The following SLC9A9 variants were observed in gnomAD, a reference collection of about 807,000 sequenced individuals.
SLC9A9 encodes the protein sodium/hydrogen exchanger 9.
A neutral mutation model predicts 77.8 loss-of-function variants in SLC9A9; 62 were observed. The ratio of observed to expected loss-of-function variants is 0.80; its 90% CI spans 0.65 to 0.98. The LOEUF is 0.98. Among genes scored for constraint, SLC9A9 ranks in the 50% least tolerant of loss-of-function variants. The pLI is 0.00. For missense variants in SLC9A9, 775 were observed against 774.9 expected (o/e 1.00, Z 0.00); for synonymous variants, 320 against 283.5 (o/e 1.13, Z -1.29).
intron 5 of SLC9A9, among the ~76,000 whole-genome samples, chr3:143,674,408 A>G (rs1186692769): frequency 6.6e-6 from 1 of 152,164 alleles, no homozygotes; most frequent in Non-Finnish European, 1.5e-5. Flanking sequence ...GGATTAGTTT[A>G]TGAGACATCC....
At chr3:143,713,018 G>A (rs527515818) in intron 4 of SLC9A9, among the ~76,000 whole-genome samples, 4 of 152,092 alleles carry the variant, frequency 2.6e-5, no homozygotes, top group Non-Finnish European at 5.9e-5. Flanking sequence ...GAAAGTAGAG[G>A]AAGAACCCAA....
At chr3:143,725,813 C>G (rs573789126) in intron 4 of SLC9A9, among the ~76,000 whole-genome samples, 49 of 150,402 alleles carry the variant, frequency 3.3e-4, no homozygotes, top group African/African-American at 1.1e-3. Context: ...GTGCAGCACA[C>G]CAGCATGGCA....
chr3:143,281,869 T>C (rs1193068046), intron 14 of SLC9A9, among the ~76,000 whole-genome samples: 1 of 152,196 alleles, frequency 6.6e-6, no homozygotes. Flanking sequence ...AACTGCACTG[T>C]CCTCCACTGA....
chr3:143,603,565 C>A (rs2037878985), intron 6 of SLC9A9, among the ~76,000 whole-genome samples: 1 of 152,228 alleles, frequency 6.6e-6, no homozygotes, highest in Non-Finnish European at 1.5e-5. Flanking sequence ...TCTCACTCAA[C>A]AGCCATATGA....
intron 6 of SLC9A9, among the ~76,000 whole-genome samples, chr3:143,619,074 C>T (rs1483648507): frequency 6.6e-6 from 1 of 152,168 alleles, no homozygotes; most frequent in African/African-American, 2.4e-5. Context: ...CTCTATCTAA[C>T]TCATTCAGAA....
At chr3:143,748,893 C>T (rs1470563934) in intron 4 of SLC9A9, among the ~76,000 whole-genome samples, 5 of 151,352 alleles carry the variant, frequency 3.3e-5, no homozygotes, top group East Asian at 1.9e-4. Context: ...TTAGTAGAGA[C>T]GGGGTTTCAC....
At chr3:143,679,902 A>C (rs551565470) in intron 5 of SLC9A9, among the ~76,000 whole-genome samples, 16 of 152,340 alleles carry the variant, frequency 1.1e-4, no homozygotes, top group African/African-American at 3.6e-4. Flanking sequence ...TCAGGTATGA[A>C]AAACATAGCA....
intron 13 of SLC9A9, 116 bp from the exon 14 acceptor site, chr3:143,363,679 T>C (rs956051148): frequency 1.1e-6 from 1 of 925,034 alleles, no homozygotes; most frequent in Non-Finnish European, 1.6e-6. Flanking sequence ...TTTCTAAGTA[T>C]AGGCATTTTC....
chr3:143,318,610 A>T (rs1244289176), intron 14 of SLC9A9, among the ~76,000 whole-genome samples: 1 of 152,136 alleles, frequency 6.6e-6, no homozygotes, highest in African/African-American at 2.4e-5. Context: ...ATCTGTCACA[A>T]ATGGCTGCTA....
chr3:143,491,172 A>G (rs2035738356), intron 11 of SLC9A9, among the ~76,000 whole-genome samples: 1 of 152,190 alleles, frequency 6.6e-6, no homozygotes, highest in Non-Finnish European at 1.5e-5. Context: ...TTCTCTGGAC[A>G]TCAGAGTCAT....
At chr3:143,521,217 C>A (rs1315266119) in intron 9 of SLC9A9, among the ~76,000 whole-genome samples, 1 of 152,010 alleles carries the variant, frequency 6.6e-6, no homozygotes, top group Non-Finnish European at 1.5e-5. Context: ...ATATTTAAAT[C>A]TTTAATAAAA....
intron 9 of SLC9A9, among the ~76,000 whole-genome samples, chr3:143,527,721 A>G (rs2036428600): frequency 6.6e-6 from 1 of 152,238 alleles, no homozygotes; most frequent in Non-Finnish European, 1.5e-5. Flanking sequence ...AGACTTAGCA[A>G]TAGGTCCACA....
At chr3:143,736,552 T>A (rs1934945243) in intron 4 of SLC9A9, among the ~76,000 whole-genome samples, 2 of 152,182 alleles carry the variant, frequency 1.3e-5, no homozygotes, top group Non-Finnish European at 2.9e-5. Context: ...AATAGAGGGC[T>A]CTGTGGAAGT....
chr3:143,449,696 A>AG (rs2034943482), intron 12 of SLC9A9, among the ~76,000 whole-genome samples: 1 of 47,572 alleles, frequency 2.1e-5, no homozygotes, highest in African/African-American at 1.2e-4. Flanking sequence ...AAATATAATT[A>AG]TATTATATAA....
At chr3:143,394,627 A>C (rs1190557670) in intron 12 of SLC9A9, among the ~76,000 whole-genome samples, 4 of 152,192 alleles carry the variant, frequency 2.6e-5, no homozygotes, top group Admixed American at 2.0e-4. Context: ...GAAGGAAATA[A>C]AGGGTATTCA....
intron 6 of SLC9A9, among the ~76,000 whole-genome samples, chr3:143,621,334 C>T (rs1012510134): frequency 9.2e-5 from 14 of 152,194 alleles, no homozygotes; most frequent in Non-Finnish European, 1.3e-4. Context: ...GGGTCCCTGA[C>T]CCCCGAATAG....
chr3:143,671,874 T>TC (rs2039160135), intron 5 of SLC9A9, among the ~76,000 whole-genome samples: 2 of 152,142 alleles, frequency 1.3e-5, no homozygotes, highest in African/African-American at 2.4e-5. Flanking sequence ...GTGTAATTTC[T>TC]CCCCCCTTGG....
At chr3:143,506,521 A>T (rs986233253) in intron 9 of SLC9A9, among the ~76,000 whole-genome samples, 1 of 152,072 alleles carries the variant, frequency 6.6e-6, no homozygotes, top group African/African-American at 2.4e-5. Context: ...CAGAGAGGGG[A>T]TTTTTATCAG....
chr3:143,532,635 C>G (rs1420792674), intron 9 of SLC9A9, among the ~76,000 whole-genome samples: 1 of 152,118 alleles, frequency 6.6e-6, no homozygotes, highest in African/African-American at 2.4e-5. Flanking sequence ...TTTTAAGGTT[C>G]AGAACTTGCT....
Sources: gnomAD v4.1 joint callset for allele counts (sites outside exome capture counted in the v4.1 genomes callset) on GRCh38, gnomAD v4.1.1 for gene constraint, MANE v1.5 for transcripts, NCBI Gene and HGNC (gene_info 2026-07-23, HGNC 2026-07-21) for gene names.